The following ADGRL2 variants were observed in gnomAD, a reference collection of about 807,000 sequenced individuals.
ADGRL2 encodes the protein adhesion G protein-coupled receptor L2, also known as calcium-independent alpha-latrotoxin receptor 2.
Under a neutral mutation model 157.4 loss-of-function variants are expected in ADGRL2, and 44 were observed. The ratio of observed to expected loss-of-function variants is 0.28; its 90% confidence interval spans 0.22 to 0.36. The LOEUF (loss-of-function observed/expected upper bound fraction) is 0.36. Ranked by LOEUF, ADGRL2 falls within the 10% of genes least tolerant of loss-of-function variation. The pLI is 1.00. For missense variants in ADGRL2, 1,510 were observed against 1,768.9 expected, an observed-to-expected ratio of 0.85 and a Z score of 2.63; for synonymous variants, 585 against 624.7, an observed-to-expected ratio of 0.94 and a Z score of 0.95.
chr1:81,630,555 A>C (rs2081992429), intron 3 of ADGRL2, among the ~76,000 whole-genome samples: 1 of 152,144 alleles, frequency 6.6e-6, no homozygotes, highest in South Asian at 2.1e-4. Flanking sequence ...TCATAAATCG[A>C]ATTCCTCATA....
chr1:81,504,245 A>C (rs1193413990), intron 2 of ADGRL2, among the ~76,000 whole-genome samples: 4 of 151,426 alleles, frequency 2.6e-5, no homozygotes, highest in Admixed American at 6.6e-5. Flanking sequence ...CTGCTTTCCC[A>C]AAAACAGCCC....
In ADGRL2 at chr1:81,673,569, C is replaced by A. The variant is rs534890975; in HGVS notation, c.-142-88242C>A. 2.6e-3 allele frequency among the ~76,000 whole-genome samples: 359 copies of A among 138,194 alleles called. 1 individual carries two copies. Among genetic ancestry groups the A allele is most frequent in the African/African-American group, 9.4e-3 (344 of 36,496 alleles). 90.7% of individuals were successfully genotyped at this position (138,194 alleles called of 152,430 possible). A position where few individuals can be genotyped will look rare whatever the true frequency, so the allele number is the denominator to read the frequency against. Reference sequence around the variant, plus strand: ...TCACTCTGTCGCCCAGACTGGAGTGCAGTGGCGCGATCTCGGCTCACTGCA... The same window carrying A: ...TCACTCTGTCGCCCAGACTGGAGTGAAGTGGCGCGATCTCGGCTCACTGCA... On this transcript the variant is annotated intron_variant, in intron 3 of 24. Coordinates refer to the ADGRL2 transcript ENST00000370721.
chr1:81,345,524 A>G (rs1240727379), intron 1 of ADGRL2, among the ~76,000 whole-genome samples: 1 of 152,238 alleles, frequency 6.6e-6, no homozygotes, highest in Non-Finnish European at 1.5e-5. Context: ...ATTTTTGTTA[A>G]AATATAATAA....
intron 1 of ADGRL2, among the ~76,000 whole-genome samples, chr1:81,404,166 G>A (rs2101315984): frequency 6.6e-6 from 1 of 152,252 alleles, no homozygotes; most frequent in South Asian, 2.1e-4. Context: ...TCACTCTACA[G>A]CATGGTGAAG....
At chr1:81,657,810 A>C (rs924359248) in intron 3 of ADGRL2, among the ~76,000 whole-genome samples, 1 of 152,198 alleles carries the variant, frequency 6.6e-6, no homozygotes, top group East Asian at 1.9e-4. Context: ...CAAAAATCAA[A>C]TTTATTTTTA....
At chr1:81,879,709 G>A (rs574978544) in intron 2 of ADGRL2, among the ~76,000 whole-genome samples, 1 of 152,122 alleles carries the variant, frequency 6.6e-6, no homozygotes, top group Admixed American at 6.6e-5. Flanking sequence ...ACAAAAACAG[G>A]TCGTTTAAAT....
chr1:81,700,337 A>C (rs957818643), intron 1 of ADGRL2, among the ~76,000 whole-genome samples: 1 of 152,188 alleles, frequency 6.6e-6, no homozygotes, highest in African/African-American at 2.4e-5. Flanking sequence ...TCTCTGGCAA[A>C]TAATAGTCTC....
At chr1:81,903,521 T>C (rs975981194) in intron 2 of ADGRL2, among the ~76,000 whole-genome samples, 1 of 151,926 alleles carries the variant, frequency 6.6e-6, no homozygotes, top group Non-Finnish European at 1.5e-5. Context: ...TACTATTTGA[T>C]GCCTTAGTTT....
At chr1:81,722,604 T>A in intron 1 of ADGRL2, 2 of 1,446,242 alleles carry the variant, frequency 1.4e-6, no homozygotes, top group Admixed American at 3.4e-5. Context: ...ATGTAGCCCA[T>A]GATCTTGCCC....
At position 81,324,672 on chromosome 1, in the gene ADGRL2, C is replaced by T. The variant is rs190615796; in HGVS notation, c.-302+18163C>T. On this transcript the variant is annotated intron_variant, in intron 1 of 24. Transcript: ENST00000370721. ...AAAGAAAGTAATATGTCAAGCAAGACCCACTTTTTCTGGTCTGAGTAACCT... is the reference window on the plus strand; with the variant it reads ...AAAGAAAGTAATATGTCAAGCAAGATCCACTTTTTCTGGTCTGAGTAACCT... 2.0e-5 allele frequency among the ~76,000 whole-genome samples: 3 copies of T among 151,940 alleles called. No individual in the cohort carries two copies. In the East Asian group the frequency reaches 5.8e-4, roughly 29 times the overall value.
rs972046588 is a variant in ADGRL2, at chr1:81,757,651, G to C, written c.-142-4160G>C. Reference sequence around the variant, plus strand: ...ACTGGAGTCTCTGTGAATCTGCTGTGAATCTAGGGGCTGCCCGAATCACGA... The same window carrying C: ...ACTGGAGTCTCTGTGAATCTGCTGTCAATCTAGGGGCTGCCCGAATCACGA... On this transcript the variant is annotated intron_variant, in intron 1 of 20. Transcript: ENST00000359929. 2.0e-5 allele frequency among the ~76,000 whole-genome samples: 3 copies of C among 152,252 alleles called. No individual in the cohort carries two copies. The South Asian group carries it at 6.2e-4, about 32-fold the overall frequency.
At chr1:81,394,533 G>A (rs1344061753) in intron 1 of ADGRL2, among the ~76,000 whole-genome samples, 1 of 152,252 alleles carries the variant, frequency 6.6e-6, no homozygotes, top group African/African-American at 2.4e-5. Flanking sequence ...TGCCACAAAT[G>A]ACAGGATTTT....
At chr1:81,867,903 T>A (rs1188294008) in intron 2 of ADGRL2, among the ~76,000 whole-genome samples, 2 of 152,074 alleles carry the variant, frequency 1.3e-5, no homozygotes, top group Non-Finnish European at 2.9e-5. Context: ...GTGTTAGTTG[T>A]TCTTAAAAAT....
intron 2 of ADGRL2, among the ~76,000 whole-genome samples, chr1:81,500,005 T>C (rs2078811829): frequency 1.3e-5 from 2 of 152,114 alleles, no homozygotes; most frequent in African/African-American, 4.8e-5. Flanking sequence ...ATCCTTAGGC[T>C]GAAAAAGAAA....
chr1:81,852,996 G>C lies in ADGRL2; in HGVS notation c.73+15939G>C, dbSNP rs141583244. ...GTAGAAAAACGAACTGAACTGTCAGGTCATTCCAAGAGCGAAGAGGCAGAG... is the reference window on the plus strand; with the variant it reads ...GTAGAAAAACGAACTGAACTGTCAGCTCATTCCAAGAGCGAAGAGGCAGAG... On this transcript the variant is annotated intron_variant, in intron 2 of 23. Coordinates refer to ENST00000686636, the MANE Select transcript of ADGRL2 (RefSeq NM_001366006.2). Among the ~76,000 whole-genome samples, 69 of 152,208 alleles carry C rather than the reference G, an allele frequency of 4.5e-4. 1 individual carries two copies. Among genetic ancestry groups the C allele is most frequent in the African/African-American group, 1.6e-3 (68 of 41,528 alleles).
At chr1:81,507,671 G>A (rs2079002989) in intron 2 of ADGRL2, among the ~76,000 whole-genome samples, 1 of 152,212 alleles carries the variant, frequency 6.6e-6, no homozygotes, top group African/African-American at 2.4e-5. Flanking sequence ...GGGGAACGAT[G>A]ATAGGGACTG....
chr1:81,472,996 T>C (rs572505949), intron 2 of ADGRL2, among the ~76,000 whole-genome samples: 116 of 152,250 alleles, frequency 7.6e-4, no homozygotes, highest in African/African-American at 2.7e-3. Flanking sequence ...AACCACTTTA[T>C]GGAAATTTTC....
At chr1:81,759,461 A>C (rs1395463146) in intron 1 of ADGRL2, among the ~76,000 whole-genome samples, 1 of 152,202 alleles carries the variant, frequency 6.6e-6, no homozygotes, top group East Asian at 1.9e-4. Flanking sequence ...GTATCAAATT[A>C]AAATTTAGTT....
chr1:81,948,397 A>G (rs1650631434), intron 6 of ADGRL2, among the ~76,000 whole-genome samples: 1 of 152,142 alleles, frequency 6.6e-6, no homozygotes, highest in Non-Finnish European at 1.5e-5. Context: ...ACAAATCACT[A>G]ATTGTAGTAT....
Sources: allele counts gnomAD v4.1 joint callset (sites outside exome capture counted in the v4.1 genomes callset), GRCh38; gene constraint gnomAD v4.1.1; transcripts MANE v1.5; gene names NCBI Gene and HGNC (gene_info 2026-07-23, HGNC 2026-07-21).